EPS15: variants seen among roughly 807,000 people sequenced by gnomAD.
EPS15 encodes epidermal growth factor receptor substrate 15.
Under a neutral mutation model 113.8 loss-of-function variants are expected in EPS15, and 72 were observed. The observed-to-expected ratio is 0.63, with a 90% CI of 0.52 to 0.77. The LOEUF is 0.77. Ranked by LOEUF, EPS15 falls within the 30% of genes least tolerant of loss-of-function variation. The pLI is 0.00. For synonymous variants in EPS15, 344 were observed against 363.4 expected, an observed-to-expected ratio of 0.95 and a Z score of 0.61; for missense variants, 1,048 against 1,045.8, an observed-to-expected ratio of 1.00 and a Z score of -0.03.
intron 22 of EPS15, 53 bp downstream of exon 22, chr1:51,365,900 C>T: frequency 7.9e-7 from 1 of 1,259,840 alleles, no homozygotes; most frequent in Non-Finnish European, 1.1e-6. Context: ...GAGGATTGTT[C>T]TTTTGGTGGA....
intron 3 of EPS15, 81 bp downstream of exon 3, chr1:51,472,778 T>C (rs1655332742): frequency 9.6e-7 from 1 of 1,036,584 alleles, no homozygotes; most frequent in South Asian, 1.4e-5. Flanking sequence ...CTTGATGGCA[T>C]CTTTCTAAAT....
intron 1 of EPS15, among the ~76,000 whole-genome samples, chr1:51,487,218 T>A (rs1210616490): frequency 6.6e-6 from 1 of 152,150 alleles, no homozygotes; most frequent in East Asian, 1.9e-4. Flanking sequence ...CAGAAAAGTA[T>A]CAGTGACACA....
chr1:51,402,169 C>CACACACATACATACAT (rs1648626829), intron 18 of EPS15, among the ~76,000 whole-genome samples: 2 of 150,498 alleles, frequency 1.3e-5, no homozygotes, highest in African/African-American at 4.9e-5. Context: ...AATAAATACA[C>CACACACATACATACAT]ACATACATAC....
rs764634078 is a variant in EPS15, at chr1:51,394,432, G to A, written c.2068C>T (p.His690Tyr). ...CCACCAGGAGCAAAAGGATCATTGT[G>A]CTTCAACGTTTCTACCTAAACAAAG... ...SSITSVETLK[H>Y]NDPFAPGGTV... The change falls in exon 21 of 25, where the codon CAC becomes TAC. Residue 690 changes from histidine to tyrosine, a missense_variant. Transcript: ENST00000371733. 4 of 1,602,216 alleles carry A rather than the reference G, an allele frequency of 2.5e-6. No individual in the cohort carries two copies. The Admixed American group carries it at 5.0e-5, about 20-fold the overall frequency.
chr1:51,441,261 T>A (rs929586734), intron 11 of EPS15, among the ~76,000 whole-genome samples: 3 of 152,112 alleles, frequency 2.0e-5, no homozygotes, highest in African/African-American at 7.2e-5. Flanking sequence ...ATTGTTATAA[T>A]TAACTCTTCA....
At position 51,430,006 on chromosome 1, in the gene EPS15, T is replaced by C. The variant is rs182884893; in HGVS notation, c.1041-8148A>G. Among the ~76,000 whole-genome samples the C allele has an allele frequency of 6.1e-4, 93 of 152,274 alleles. 1 individual carries two copies. Among genetic ancestry groups the C allele is most frequent in the South Asian group, 4.4e-3 (21 of 4,824 alleles). On this transcript the variant is annotated intron_variant, in intron 12 of 24. Coordinates refer to ENST00000371733, the MANE Select transcript of EPS15 (RefSeq NM_001981.3). ...GAGTCCCTTAGAGGTTTCTGAGACATGCTTCTTTGAACACCGAATGGCATT... is the reference window on the plus strand; with the variant it reads ...GAGTCCCTTAGAGGTTTCTGAGACACGCTTCTTTGAACACCGAATGGCATT...
At chr1:51,398,084 C>T (rs1286492942) in intron 20 of EPS15, among the ~76,000 whole-genome samples, 1 of 148,114 alleles carries the variant, frequency 6.8e-6, no homozygotes, top group African/African-American at 2.5e-5. Context: ...GACGGAGTCT[C>T]GCTCTGTCAC....
Position 51,372,797 on chromosome 1 carries a change from A to C in EPS15, c.2120-6768T>G, listed in dbSNP as rs193068636. ...CTGAACACTTGTTACAAGACATCAA[A>C]GATGCTACAGTGGACAGTCTTTACC... On this transcript the variant is annotated intron_variant, in intron 21 of 24. Transcript: ENST00000371733. 6.9e-6 allele frequency: 3 copies of C among 432,382 alleles called. No homozygotes were observed. The Admixed American group carries it at 1.0e-4, about 14-fold the overall frequency. 26.8% of individuals were successfully genotyped at this position (432,382 alleles called of 1,614,324 possible).
At chr1:51,473,004 C>T (rs1557503248) in intron 2 of EPS15, 56 bp from the exon 3 acceptor site, 2 of 1,292,206 alleles carry the variant, frequency 1.5e-6, no homozygotes, top group South Asian at 1.2e-5. Flanking sequence ...AAAATTATCA[C>T]CATTTACCTG....
intron 12 of EPS15, among the ~76,000 whole-genome samples, chr1:51,438,308 T>C (rs1166307565): frequency 1.3e-5 from 2 of 152,182 alleles, no homozygotes; most frequent in Non-Finnish European, 2.9e-5. Flanking sequence ...AGTCACAAAA[T>C]ATTAGATATG....
intron 1 of EPS15, among the ~76,000 whole-genome samples, chr1:51,508,368 G>GAA (rs1316185457): frequency 3.3e-5 from 5 of 150,382 alleles, no homozygotes; most frequent in Admixed American, 1.3e-4. Context: ...AAGAAAGAAA[G>GAA]AAAGAAAGAA....
intron 13 of EPS15, among the ~76,000 whole-genome samples, chr1:51,412,876 G>T (rs1649865530): frequency 6.6e-6 from 1 of 152,038 alleles, no homozygotes; most frequent in African/African-American, 2.4e-5. Flanking sequence ...ATACAACTGG[G>T]TTTTCTCCCT....
chr1:51,432,134 G>C (rs1651781805), intron 12 of EPS15, among the ~76,000 whole-genome samples: 1 of 152,130 alleles, frequency 6.6e-6, no homozygotes. Flanking sequence ...TTTCTTGGTA[G>C]ATGCTTTTGC....
At chr1:51,356,882 T>C (rs756134506) in intron 24 of EPS15, 36 bp from the exon 25 acceptor site, 15 of 1,574,920 alleles carry the variant, frequency 9.5e-6, no homozygotes, top group Admixed American at 1.8e-5. Context: ...AACGAATAAA[T>C]AAATGAGTAA....
chr1:51,390,456 T>C (rs928257235), intron 21 of EPS15, among the ~76,000 whole-genome samples: 3 of 152,084 alleles, frequency 2.0e-5, no homozygotes, highest in African/African-American at 7.2e-5. Flanking sequence ...GAAGCCAAAA[T>C]TGACAAATGG....
At chr1:51,495,315 T>A (rs55763953) in intron 1 of EPS15, among the ~76,000 whole-genome samples, 2,930 of 152,256 alleles carry the variant, frequency 0.019, 45 homozygotes, top group Non-Finnish European at 0.031. Flanking sequence ...TGAGAATGGA[T>A]AAAACTGACA....
At chr1:51,381,943 T>A (rs1255343679) in intron 21 of EPS15, among the ~76,000 whole-genome samples, 1 of 151,184 alleles carries the variant, frequency 6.6e-6, no homozygotes, top group Non-Finnish European at 1.5e-5. Flanking sequence ...CAGAAAGAAA[T>A]GAATAATAAA....
At chr1:51,423,417 C>T (rs889922360) in intron 12 of EPS15, 200 of 1,116,722 alleles carry the variant, frequency 1.8e-4, no homozygotes, top group Non-Finnish European at 2.2e-4. Context: ...CCAACAAATT[C>T]TGCAAGCTCA....
chr1:51,432,587 A>ATT (rs34894893), intron 12 of EPS15, among the ~76,000 whole-genome samples: 2 of 151,848 alleles, frequency 1.3e-5, no homozygotes, highest in African/African-American at 4.8e-5. Context: ...GATATTTTAC[A>ATT]TTTTTTTTCA....
Sources: gnomAD v4.1 joint callset for allele counts (sites outside exome capture counted in the v4.1 genomes callset) on GRCh38, gnomAD v4.1.1 for gene constraint, MANE v1.5 for transcripts, NCBI Gene and HGNC (gene_info 2026-07-23, HGNC 2026-07-21) for gene names.